The following SORBS2 variants were observed in gnomAD, a reference collection of about 807,000 sequenced individuals.
SORBS2 encodes the protein sorbin and SH3 domain-containing protein 2.
A neutral mutation model predicts 97.7 loss-of-function variants in SORBS2; 46 were observed. The observed-to-expected ratio is 0.47, with a 90% confidence interval of 0.37 to 0.60. The LOEUF (loss-of-function observed/expected upper bound fraction) is 0.60, where lower values mean the gene tolerates loss of function less well. Among genes scored for constraint, SORBS2 ranks in the 20% least tolerant of loss-of-function variants. The probability of loss-of-function intolerance (pLI) is 0.00; values close to 1 mark genes in which losing one functional copy is unlikely to be tolerated. For synonymous variants in SORBS2, 476 were observed against 473.4 expected (o/e 1.01, Z -0.07); for missense variants, 1,316 against 1,282.3 (o/e 1.03, Z -0.40).
At chr4:185,952,949 G>T (rs1450550231) in intron 1 of SORBS2, among the ~76,000 whole-genome samples, 1 of 152,046 alleles carries the variant, frequency 6.6e-6, no homozygotes, top group South Asian at 2.1e-4. Context: ...CCTGAGCTTC[G>T]AACTTCATTT....
intron 1 of SORBS2, among the ~76,000 whole-genome samples, chr4:185,943,631 A>G (rs2099273168): frequency 6.6e-6 from 1 of 152,248 alleles, no homozygotes; most frequent in Non-Finnish European, 1.5e-5. Context: ...GGAATATATT[A>G]GATTAATAGA....
intron 1 of SORBS2, chr4:185,933,453 C>T (rs1409147728): frequency 6.6e-6 from 1 of 152,072 alleles, no homozygotes; most frequent in Non-Finnish European, 1.5e-5. Context: ...AATGCATTAT[C>T]TCACAGTTCT....
chr4:185,898,694 G>C (rs1035956309), intron 1 of SORBS2, among the ~76,000 whole-genome samples: 2 of 152,120 alleles, frequency 1.3e-5, no homozygotes, highest in Non-Finnish European at 2.9e-5. Flanking sequence ...AGAAGTAATA[G>C]AAATAAAATG....
At chr4:185,604,923 C>T (rs558869095) in intron 12 of SORBS2, among the ~76,000 whole-genome samples, 6 of 152,170 alleles carry the variant, frequency 3.9e-5, no homozygotes, top group African/African-American at 9.6e-5. Flanking sequence ...GCCGTGGCCC[C>T]GCGTGCAGGG....
chr4:185,913,063 C>A (rs1250947622), intron 1 of SORBS2, among the ~76,000 whole-genome samples: 1 of 152,164 alleles, frequency 6.6e-6, no homozygotes, highest in Non-Finnish European at 1.5e-5. Context: ...TAAAAAATGT[C>A]TTGCTGTGCT....
At chr4:185,589,702 T>A in exon 14 of SORBS2, 1 of 1,609,670 alleles carries the variant, frequency 6.2e-7, no homozygotes, top group Non-Finnish European at 8.5e-7. Context: ...GTCATCACAC[T>A]TTTCCATGAC....
chr4:185,912,914 C>T (rs34321474), intron 1 of SORBS2, among the ~76,000 whole-genome samples: 11,569 of 152,252 alleles, frequency 0.076, 473 homozygotes, highest in East Asian at 0.15. Flanking sequence ...CAGCCGGATA[C>T]TGCTGACATT....
chr4:185,780,445 A>T (rs1405217460), intron 1 of SORBS2, among the ~76,000 whole-genome samples: 1 of 152,148 alleles, frequency 6.6e-6, no homozygotes, highest in Non-Finnish European at 1.5e-5. Context: ...CAGGAACCTC[A>T]CCCATGGTAT....
chr4:185,785,554 C>T (rs991347410), intron 1 of SORBS2, among the ~76,000 whole-genome samples: 1 of 152,170 alleles, frequency 6.6e-6, no homozygotes, highest in African/African-American at 2.4e-5. Flanking sequence ...TGTACTTACC[C>T]GCCACCATCA....
intron 12 of SORBS2, among the ~76,000 whole-genome samples, chr4:185,596,555 A>G (rs1411533935): frequency 5.6e-5 from 2 of 35,634 alleles, no homozygotes; most frequent in African/African-American, 1.6e-4. Context: ...TTTTTTTTTG[A>G]GATGGAGTCT....
chr4:185,641,192 G>T (rs145867890), intron 4 of SORBS2, among the ~76,000 whole-genome samples: 176 of 152,050 alleles, frequency 1.2e-3, no homozygotes, highest in African/African-American at 3.9e-3. Context: ...CCTTAGAATG[G>T]CAGTTTTCCA....
intron 2 of SORBS2, among the ~76,000 whole-genome samples, chr4:185,694,708 TTTCTTTTC>T (rs1011976427): frequency 7.6e-6 from 1 of 131,416 alleles, no homozygotes; most frequent in African/African-American, 2.8e-5. Context: ...TTTTCTTTCT[TTTCTTTTC>T]TTTTTTTTGA....
At chr4:185,652,669 G>T in exon 2 of SORBS2, 2 of 1,613,830 alleles carry the variant, frequency 1.2e-6, no homozygotes, top group Non-Finnish European at 1.7e-6. Context: ...TACCCGGCTT[G>T]TGCACCATGT....
chr4:185,952,877 A>G (rs1416708117), intron 1 of SORBS2, among the ~76,000 whole-genome samples: 1 of 152,244 alleles, frequency 6.6e-6, no homozygotes, highest in Non-Finnish European at 1.5e-5. Flanking sequence ...CGTAGCAAAC[A>G]TCCTCACAGG....
At chr4:185,833,625 A>G (rs937427378) in intron 1 of SORBS2, among the ~76,000 whole-genome samples, 2 of 152,242 alleles carry the variant, frequency 1.3e-5, no homozygotes, top group African/African-American at 2.4e-5. Context: ...TTACATAACT[A>G]TGGGATTCAT....
At chr4:185,712,799 A>G (rs2098435358) in intron 2 of SORBS2, among the ~76,000 whole-genome samples, 1 of 152,298 alleles carries the variant, frequency 6.6e-6, no homozygotes, top group Non-Finnish European at 1.5e-5. Flanking sequence ...TGAGAGGGGC[A>G]GGCTGAGTAA....
chr4:185,932,000 C>CTA (rs1291002380), intron 1 of SORBS2, among the ~76,000 whole-genome samples: 100 of 150,382 alleles, frequency 6.6e-4, no homozygotes, highest in African/African-American at 1.3e-3. Context: ...CTCTCTCTCT[C>CTA]TCTATATATA....
chr4:185,638,883 G>A, intron 4 of SORBS2: 1 of 1,474,268 alleles, frequency 6.8e-7, no homozygotes, highest in Non-Finnish European at 9.0e-7. Context: ...TCACCCGGGT[G>A]GGAGACAGAG....
intron 2 of SORBS2, among the ~76,000 whole-genome samples, chr4:185,700,780 A>G (rs2098249978): frequency 6.6e-6 from 1 of 152,184 alleles, no homozygotes; most frequent in African/African-American, 2.4e-5. Flanking sequence ...CCTTTTGTTC[A>G]GCAAAATGCC....
Sources: allele counts gnomAD v4.1 joint callset (sites outside exome capture counted in the v4.1 genomes callset), GRCh38; gene constraint gnomAD v4.1.1; transcripts MANE v1.5; gene names NCBI Gene and HGNC (gene_info 2026-07-23, HGNC 2026-07-21).